Variants in TNFRSF4 observed in about 807,000 individuals in gnomAD.
TNFRSF4 encodes the protein tumor necrosis factor receptor superfamily member 4.
TNFRSF4 carries 21 observed loss-of-function variants against 29.5 expected under a neutral mutation model. That is an observed-to-expected ratio of 0.71 (90% confidence interval 0.51 to 1.03). The LOEUF (loss-of-function observed/expected upper bound fraction) is 1.03, where lower values mean the gene tolerates loss of function less well. Among genes scored for constraint, TNFRSF4 ranks in the 50% least tolerant of loss-of-function variants. The pLI is 0.00. For missense variants in TNFRSF4, 408 were observed against 387.8 expected, an observed-to-expected ratio of 1.05 and a Z score of -0.44; for synonymous variants, 197 against 172.7, an observed-to-expected ratio of 1.14 and a Z score of -1.10.
Position 1,211,426 on chromosome 1 carries a change from G to T in TNFRSF4, c.*129C>A. ...AGCAGAGAGCCGGAGGCAGCCATCGGCACCTAGAACGGTGCAGAGTTGGCC... is the reference window on the plus strand; with the variant it reads ...AGCAGAGAGCCGGAGGCAGCCATCGTCACCTAGAACGGTGCAGAGTTGGCC... On this transcript the variant is annotated 3_prime_UTR_variant, in exon 7 of 7. Coordinates refer to ENST00000379236, the MANE Select transcript of TNFRSF4 (RefSeq NM_003327.4). The T allele has an allele frequency of 1.1e-6, 1 of 898,464 alleles. No individual in the cohort carries two copies. The highest frequency in any genetic ancestry group is 1.6e-6 in the Non-Finnish European group (1 of 636,902). 55.7% of individuals were successfully genotyped at this position (898,464 alleles called of 1,614,324 possible).
Position 1,212,627 on chromosome 1 carries a change from A to G in TNFRSF4, c.437+11T>C. ...CCCCAGCCCCTCCCAGCCCCTGGCCAGGCCCCTCACTTGGTCCAGGGCTTG... is the reference window on the plus strand; with the variant it reads ...CCCCAGCCCCTCCCAGCCCCTGGCCGGGCCCCTCACTTGGTCCAGGGCTTG... On this transcript the variant is annotated intron_variant, in intron 4 of 6. Transcript: ENST00000379236. 1 of 736,938 alleles carries G rather than the reference A, an allele frequency of 1.4e-6. No individual in the cohort carries two copies. Among genetic ancestry groups the G allele is most frequent in the African/African-American group, 3.1e-5 (1 of 32,506 alleles). The allele number at this position is 736,938 out of a possible 1,614,324, so 45.6% of individuals were successfully genotyped here. A position where few individuals can be genotyped will look rare whatever the true frequency, so the allele number is the denominator to read the frequency against.
In TNFRSF4 at chr1:1,212,061, G is replaced by A. The variant is rs776776152; in HGVS notation, c.515C>T (p.Pro172Leu). 1.9e-6 allele frequency: 3 copies of A among 1,610,964 alleles called. No individual in the cohort carries two copies. Among genetic ancestry groups the A allele is most frequent in the Middle Eastern group, 1.7e-4 (1 of 6,044 alleles). Reference protein sequence around the residue: ...SDAICEDRDPPATQPQETQGP... With the variant: ...SDAICEDRDPLATQPQETQGP... ...CTGGGTCTCCTGGGGCTGCGTGGCT[G>A]GGGGGTCCCTGTCCTCACAGATTGC... is the stretch of plus-strand genomic sequence containing the variant. Residue 172 changes from proline to leucine, a missense_variant, in exon 5 of 7, where the codon CCA becomes CTA. Transcript: ENST00000379236.
At chr1:1,212,361 G>A (rs1235010459) in intron 4 of TNFRSF4, among the ~76,000 whole-genome samples, 1 of 150,132 alleles carries the variant, frequency 6.7e-6, no homozygotes, top group Non-Finnish European at 1.5e-5. Context: ...GCACCTCCCT[G>A]TCCTGTGCCC....
At chr1:1,213,832 G>A (rs751483048) in intron 1 of TNFRSF4, 47 bp from the exon 2 acceptor site, 25 of 1,546,652 alleles carry the variant, frequency 1.6e-5, no homozygotes, top group African/African-American at 9.5e-5. Context: ...CCAGGCTTGC[G>A]CCCGTGGACC....
chr1:1,213,008 G>C lies in TNFRSF4; in HGVS notation c.354C>G (p.Ser118Arg), dbSNP rs1376702819. Reference protein sequence around the residue: ...RCRAGTQPLDSYKPGVDCAPC... With the variant: ...RCRAGTQPLDRYKPGVDCAPC... ...CGAGCTCACCAACTCCAGGCTTGTA[G>C]CTGTCCAGGGGCTGGGTGCCCGCCC... Residue 118 changes from serine (S) to arginine (R), a missense_variant, in exon 3 of 7, where the codon AGC becomes AGG. Transcript: ENST00000379236. The C allele has an allele frequency of 2.0e-5, 32 of 1,611,456 alleles. No homozygotes were observed. Among genetic ancestry groups the C allele is most frequent in the Non-Finnish European group, 2.6e-5 (31 of 1,179,392 alleles).
Position 1,211,635 on chromosome 1 carries a change from A to G in TNFRSF4, c.764-10T>C. The G allele has an allele frequency of 1.9e-6, 3 of 1,554,856 alleles. 1 individual carries two copies. The South Asian group carries it at 3.6e-5, about 19-fold the overall frequency. The stretch of plus-strand genomic sequence containing the variant: ...CGGAAACTGCCTCCCCCTGGGGAGG[A>G]AAAAAGGAGAGATTGGTGGGTGGGC... On this transcript the variant is annotated splice_polypyrimidine_tract_variant and intron_variant, in intron 6 of 6. Coordinates refer to ENST00000379236, the MANE Select transcript of TNFRSF4 (RefSeq NM_003327.4).
chr1:1,214,005 C>T lies in TNFRSF4; in HGVS notation c.123G>A (p.Arg41=). ...CACCTGGCCTGCACTCGTGGCAGCACCGGTCGTTGCTGGGGTAGGTGTCCC... is the reference window on the plus strand; with the variant it reads ...CACCTGGCCTGCACTCGTGGCAGCATCGGTCGTTGCTGGGGTAGGTGTCCC... ...CVGDTYPSND[R]CCHECRPGNG... Residue 41 remains arginine (R), a synonymous_variant, in exon 1 of 7, where the codon CGG becomes CGA. Coordinates refer to ENST00000379236, the MANE Select transcript of TNFRSF4 (RefSeq NM_003327.4). This position sits in a 1 kb window ranked among gnomAD's most constrained non-coding sequence, Gnocchi z 4.2. 1 of 1,605,142 alleles carries T rather than the reference C, an allele frequency of 6.2e-7. No individual in the cohort carries two copies. The highest frequency in any genetic ancestry group is 8.5e-7 in the Non-Finnish European group (1 of 1,178,082).
intron 2 of TNFRSF4, chr1:1,213,326 C>T (rs1649279777): frequency 2.0e-6 from 3 of 1,524,696 alleles, no homozygotes; most frequent in East Asian, 2.5e-5. Flanking sequence ...CCTTCCCTAC[C>T]CCTCCACCGC....
chr1:1,212,048 G>A lies in TNFRSF4; in HGVS notation c.528C>T (p.Pro176=), dbSNP rs755037509. ...TGGCCGGGGGGCCCTGGGTCTCCTG[G>A]GGCTGCGTGGCTGGGGGGTCCCTGT... is the stretch of plus-strand genomic sequence containing the variant. ...CEDRDPPATQ[P]QETQGPPARP... Residue 176 remains proline, a synonymous_variant, in exon 5 of 7, where the codon CCC becomes CCT. Transcript: ENST00000379236. The A allele has an allele frequency of 3.1e-6, 5 of 1,611,824 alleles. No individual in the cohort carries two copies. The highest frequency in any genetic ancestry group is 1.1e-5 in the South Asian group (1 of 90,936).
chr1:1,213,644 G>T lies in TNFRSF4; in HGVS notation c.268+19C>A. 6.4e-7 allele frequency: 1 copy of T among 1,572,370 alleles called. No individual in the cohort carries two copies. The highest frequency in any genetic ancestry group is 8.6e-7 in the Non-Finnish European group (1 of 1,158,426). ...GCCCCCTGTGCTGGGTGGGGCTGTG[G>T]GGCCAGGTGGGAGCTCACTGAGGTT... On this transcript the variant is annotated intron_variant, in intron 2 of 6. Transcript: ENST00000379236.
intron 1 of TNFRSF4, 29 bp downstream of exon 1, chr1:1,213,954 G>C (rs766792349): frequency 1.0e-5 from 14 of 1,346,412 alleles, no homozygotes; most frequent in African/African-American, 1.5e-5. Flanking sequence ...TGGAGTGCCC[G>C]TGCGTGGCGA....
intron 1 of TNFRSF4, 68 bp from the exon 2 acceptor site, chr1:1,213,853 G>T: frequency 6.6e-7 from 1 of 1,505,208 alleles, no homozygotes; most frequent in East Asian, 2.4e-5. Context: ...CCCCCAGGCG[G>T]CTCCTCTGCC....
rs757761946 is a variant in TNFRSF4, at chr1:1,212,027, C to T, written c.549G>A (p.Pro183=). 21 of 1,610,578 alleles carry T rather than the reference C, an allele frequency of 1.3e-5. No individual in the cohort carries two copies. The highest frequency in any genetic ancestry group is 1.7e-4 in the Middle Eastern group (1 of 6,058). The change falls in exon 5 of 7, where the codon CCG becomes CCA. Residue 183 remains proline, a synonymous_variant. Coordinates refer to ENST00000379236, the MANE Select transcript of TNFRSF4 (RefSeq NM_003327.4). ...ATQPQETQGP[P]ARPITVQPTE... ...TGGGCTGGACAGTGATGGGCCTGGC[C>T]GGGGGGCCCTGGGTCTCCTGGGGCT...
In TNFRSF4 at chr1:1,213,701, C is replaced by A; in HGVS notation, c.230G>T (p.Ser77Ile). Residue 77 changes from serine (S) to isoleucine (I), a missense_variant, in exon 2 of 7, where the codon AGC becomes ATC. Coordinates refer to ENST00000379236, the MANE Select transcript of TNFRSF4 (RefSeq NM_003327.4). ...CGTGCAGGGCTTGCACGGCTTGGAG[C>A]TGACCACGTCGTTGTAGAAGCCCGG... ...CGPGFYNDVV[S>I]SKPCKPCTWC... 1 of 1,597,436 alleles carries A rather than the reference C, an allele frequency of 6.3e-7. No individual in the cohort carries two copies. Among genetic ancestry groups the A allele is most frequent in the Non-Finnish European group, 8.5e-7 (1 of 1,173,144 alleles).
chr1:1,213,421 A>G, intron 2 of TNFRSF4: 3 of 1,530,770 alleles, frequency 2.0e-6, no homozygotes, highest in Non-Finnish European at 2.6e-6. Context: ...GCCAGGCCAC[A>G]TGGCCAGCGT....
chr1:1,212,635 C>T lies in TNFRSF4; in HGVS notation c.437+3G>A. 6.5e-7 allele frequency: 1 copy of T among 1,536,652 alleles called. No homozygotes were observed. Among genetic ancestry groups the T allele is most frequent in the Non-Finnish European group, 8.8e-7 (1 of 1,140,374 alleles). On this transcript the variant is annotated splice_donor_region_variant and intron_variant, in intron 4 of 6. Transcript: ENST00000379236. ...CCTCCCAGCCCCTGGCCAGGCCCCT[C>T]ACTTGGTCCAGGGCTTGCAGGCCTG... is the stretch of plus-strand genomic sequence containing the variant.
In TNFRSF4 at chr1:1,212,983, C is replaced by G. The variant is rs1228355969; in HGVS notation, c.370+9G>C. ...ACCCCCAACCGCCGGCCGCAGCCAC[C>G]GAGCTCACCAACTCCAGGCTTGTAG... On this transcript the variant is annotated intron_variant, in intron 3 of 6. Coordinates refer to ENST00000379236, the MANE Select transcript of TNFRSF4 (RefSeq NM_003327.4). 3.7e-6 allele frequency: 6 copies of G among 1,606,712 alleles called. No homozygotes were observed. The highest frequency in any genetic ancestry group is 2.2e-5 in the East Asian group (1 of 44,798).
At chr1:1,213,224 C>T in intron 2 of TNFRSF4, 131 bp from the exon 3 acceptor site, 1 of 1,534,984 alleles carries the variant, frequency 6.5e-7, no homozygotes, top group Non-Finnish European at 8.7e-7. Flanking sequence ...TGCGGCCTCC[C>T]CTGAGACTTG....
chr1:1,211,779 G>T lies in TNFRSF4; in HGVS notation c.688C>A (p.Pro230Thr). The T allele has an allele frequency of 6.4e-7, 1 of 1,561,036 alleles. No individual in the cohort carries two copies. The change falls in exon 6 of 7, where the codon CCC becomes ACC. Residue 230 changes from proline (P) to threonine (T), a missense_variant. Transcript: ENST00000379236. ...TACAGGGCCAGCAGGATGGCCAGGG[G>T]GCCCAGCAGCCCCAGCACCAGGCCC... is the stretch of plus-strand genomic sequence containing the variant. ...GLGLVLGLLG[P>T]LAILLALYLL...
Sources: allele counts gnomAD v4.1 joint callset (sites outside exome capture counted in the v4.1 genomes callset), GRCh38; gene constraint gnomAD v4.1.1; non-coding constraint Gnocchi (gnomAD v3.1); transcripts MANE v1.5; gene names NCBI Gene and HGNC (gene_info 2026-07-23, HGNC 2026-07-21).